PHIP: variants seen among roughly 807,000 people sequenced by gnomAD.
PHIP encodes the protein PH-interacting protein.
Under a neutral mutation model 236.8 loss-of-function variants are expected in PHIP, and 54 were observed. That is an observed-to-expected ratio of 0.23 (90% CI 0.18 to 0.29). The LOEUF is 0.29. Ranked by LOEUF, PHIP falls within the 10% of genes least tolerant of loss-of-function variation. PHIP has a pLI of 1.00. For missense variants in PHIP, 1,370 were observed against 2,190.8 expected (o/e 0.63, Z 7.48); for synonymous variants, 756 against 718.9 (o/e 1.05, Z -0.83).
Position 79,019,090 on chromosome 6 carries a change from A to G in PHIP, c.993T>C (p.Ala331=). ...GVQMICSSFS[A]GGMFLATGST... is the part of the protein sequence containing the mutation. ...AAAATTAGAATGAGGGAAACTTACC[A>G]GCACTAAAAGAAGAACAGATCATTT... Residue 331 remains alanine (A), a splice_region_variant and synonymous_variant, in exon 10 of 40, where the codon GCT becomes GCC. Transcript: ENST00000275034. 8 of 1,609,592 alleles carry G rather than the reference A, an allele frequency of 5.0e-6. No individual in the cohort carries two copies. The highest frequency in any genetic ancestry group is 6.8e-6 in the Non-Finnish European group (8 of 1,176,012).
intron 20 of PHIP, among the ~76,000 whole-genome samples, 155 bp from the exon 21 acceptor site, chr6:78,988,504 G>T (rs891793292): frequency 6.6e-6 from 1 of 152,182 alleles, no homozygotes; most frequent in Non-Finnish European, 1.5e-5. Context: ...GAGCCTAGGA[G>T]TTCAAGGCTG....
chr6:78,970,843 G>A lies in PHIP; in HGVS notation c.2935C>T (p.Arg979Trp), dbSNP rs527358689. 43 of 1,610,644 alleles carry A rather than the reference G, an allele frequency of 2.7e-5. No homozygotes were observed. The highest frequency in any genetic ancestry group is 1.7e-4 in the Middle Eastern group (1 of 5,962). The change falls in exon 25 of 40, where the codon CGG (arginine) becomes TGG (tryptophan). Residue 979 changes from arginine (R) to tryptophan (W), a missense_variant. Around this residue, in one of 14 missense-constraint regions of PHIP, gnomAD observed 238 missense variants for 398.5 expected, o/e 0.60. Transcript: ENST00000275034. Reference sequence around the variant, plus strand: ...TTGATACTATATATTTTATTTTTCCGGGCCATTTCGACATAGGCTTCATGT... The same window carrying A: ...TTGATACTATATATTTTATTTTTCCAGGCCATTTCGACATAGGCTTCATGT... ...QGHEAYVEMA[R>W]KNKIYSINPK...
intron 7 of PHIP, among the ~76,000 whole-genome samples, chr6:79,034,390 G>A (rs964736951): frequency 6.6e-6 from 1 of 152,030 alleles, no homozygotes; most frequent in African/African-American, 2.4e-5. Context: ...AGGCACTTTG[G>A]TATTAAAATT....
intron 9 of PHIP, among the ~76,000 whole-genome samples, chr6:79,024,814 T>C (rs2127747647): frequency 6.6e-6 from 1 of 151,860 alleles, no homozygotes; most frequent in Non-Finnish European, 1.5e-5. Flanking sequence ...CAAAAATAAA[T>C]AAATAAATAA....
intron 6 of PHIP, among the ~76,000 whole-genome samples, chr6:79,056,609 C>T (rs530876694): frequency 7.2e-5 from 11 of 152,100 alleles, no homozygotes; most frequent in Non-Finnish European, 1.2e-4. Flanking sequence ...ATGCTACTGG[C>T]AATTAGCAAG....
chr6:79,011,655 G>A (rs558639855), intron 15 of PHIP, among the ~76,000 whole-genome samples: 1 of 151,694 alleles, frequency 6.6e-6, no homozygotes, highest in Non-Finnish European at 1.5e-5. Flanking sequence ...TCCTCTATTA[G>A]GAGGAAAGTT....
At chr6:79,038,468 G>A (rs1189798396) in intron 7 of PHIP, among the ~76,000 whole-genome samples, 1 of 152,046 alleles carries the variant, frequency 6.6e-6, no homozygotes, top group Admixed American at 6.6e-5. Flanking sequence ...AATTTTGAGG[G>A]GACAGAAACA....
chr6:79,047,195 C>T (rs1772540784), intron 6 of PHIP, among the ~76,000 whole-genome samples: 1 of 152,120 alleles, frequency 6.6e-6, no homozygotes, highest in Non-Finnish European at 1.5e-5. Flanking sequence ...CTCAAGTCTA[C>T]AAAGCCAATT....
intron 35 of PHIP, among the ~76,000 whole-genome samples, chr6:78,949,847 C>T (rs1172691546): frequency 6.6e-6 from 1 of 152,008 alleles, no homozygotes; most frequent in African/African-American, 2.4e-5. Context: ...CGCCACTGCA[C>T]CCGGTTAATT....
intron 21 of PHIP, among the ~76,000 whole-genome samples, chr6:78,986,488 TAGAG>T (rs1307184396): frequency 2.0e-5 from 3 of 152,220 alleles, no homozygotes; most frequent in Admixed American, 6.5e-5. Context: ...CTATTGGTGA[TAGAG>T]AGTTACTTAA....
chr6:79,075,076 G>A (rs1001616274), intron 4 of PHIP, among the ~76,000 whole-genome samples: 12 of 151,978 alleles, frequency 7.9e-5, no homozygotes, highest in Non-Finnish European at 1.3e-4. Context: ...ATACAACAAC[G>A]TAAAACTTTT....
intron 6 of PHIP, among the ~76,000 whole-genome samples, chr6:79,059,070 A>T (rs1193884808): frequency 1.3e-5 from 2 of 151,976 alleles, no homozygotes; most frequent in Admixed American, 1.3e-4. Context: ...CTTATGTTTT[A>T]AAAAAAATCA....
intron 29 of PHIP, among the ~76,000 whole-genome samples, chr6:78,965,494 C>T (rs1767069799): frequency 6.6e-6 from 1 of 152,148 alleles, no homozygotes; most frequent in South Asian, 2.1e-4. Context: ...AAATTAATTT[C>T]AATCAATTCC....
intron 4 of PHIP, among the ~76,000 whole-genome samples, chr6:79,062,429 G>T (rs1773422968): frequency 1.3e-5 from 2 of 152,064 alleles, no homozygotes; most frequent in Non-Finnish European, 2.9e-5. Flanking sequence ...ATAAAATTTA[G>T]AAGTCTAGAA....
At chr6:79,042,720 C>A (rs1440408954) in intron 7 of PHIP, 123 bp downstream of exon 7, 12 of 622,510 alleles carry the variant, frequency 1.9e-5, no homozygotes, top group East Asian at 3.1e-5. Context: ...GTAAGTGAAA[C>A]CACCTGAATT....
chr6:78,969,752 T>C, intron 27 of PHIP, 83 bp downstream of exon 27: 2 of 618,288 alleles, frequency 3.2e-6, no homozygotes, highest in Admixed American at 3.3e-5. Flanking sequence ...ATAATCTTTT[T>C]CTCAATTATG....
At chr6:79,073,416 A>T (rs1196320281) in intron 4 of PHIP, among the ~76,000 whole-genome samples, 1 of 152,180 alleles carries the variant, frequency 6.6e-6, no homozygotes, top group Admixed American at 6.5e-5. Flanking sequence ...ATACTCTACT[A>T]AAAAAGGAAA....
chr6:79,072,955 T>C (rs980713231), intron 4 of PHIP, among the ~76,000 whole-genome samples: 1 of 152,212 alleles, frequency 6.6e-6, no homozygotes, highest in Admixed American at 6.5e-5. Context: ...TACATAGTAC[T>C]TGATTCATGC....
chr6:78,965,700 T>C lies in PHIP; in HGVS notation c.3379+3A>G, dbSNP rs1562131038. 6.6e-7 allele frequency: 1 copy of C among 1,507,756 alleles called. No homozygotes were observed. Among genetic ancestry groups the C allele is most frequent in the Non-Finnish European group, 9.2e-7 (1 of 1,089,888 alleles). 93.4% of individuals were successfully genotyped at this position (1,507,756 alleles called of 1,614,324 possible). ...AGAAACAAAAAGCCTAACACACACT[T>C]ACCATTATTAGGTATAAGCTCCATA... is the stretch of plus-strand genomic sequence containing the variant. On this transcript the variant is annotated splice_donor_region_variant and intron_variant, in intron 29 of 39. Coordinates refer to ENST00000275034, the MANE Select transcript of PHIP (RefSeq NM_017934.7).
Sources: allele counts gnomAD v4.1 joint callset (sites outside exome capture counted in the v4.1 genomes callset), GRCh38; gene constraint gnomAD v4.1.1; regional missense constraint gnomAD v4.1.1; transcripts MANE v1.5; gene names NCBI Gene and HGNC (gene_info 2026-07-23, HGNC 2026-07-21).